FRMD6: variants seen among roughly 807,000 people sequenced by gnomAD.
FRMD6 encodes FERM domain containing 6, also known as FERM domain-containing protein 6.
In FRMD6, 37 loss-of-function variants were observed where a neutral mutation model predicts 73.2. The ratio of observed to expected loss-of-function variants is 0.51; its 90% CI spans 0.39 to 0.66. The LOEUF is 0.66. FRMD6 is among the 30% of genes least tolerant of loss of function. The pLI, the probability that FRMD6 is intolerant of heterozygous loss-of-function variation, is 0.00. For missense variants in FRMD6, 714 were observed against 780.5 expected, an observed-to-expected ratio of 0.91 and a Z score of 1.02; for synonymous variants, 273 against 282.2, an observed-to-expected ratio of 0.97 and a Z score of 0.33.
At chr14:51,461,084 A>G in the FRMD6 span, among the ~76,000 whole-genome samples, 1 of 152,232 alleles carries the variant, frequency 6.6e-6, no homozygotes, top group Non-Finnish European at 1.5e-5. Flanking sequence ...GCAGATTTTG[A>G]CTACAGACAT....
the FRMD6 span, among the ~76,000 whole-genome samples, chr14:51,409,020 A>T: frequency 1.3e-5 from 2 of 152,166 alleles, no homozygotes; most frequent in African/African-American, 4.8e-5. Context: ...TTGGCTAAGA[A>T]TACTCGACAG....
upstream of FRMD6, chr14:51,650,870 A>C (rs1892323695): frequency 6.6e-6 from 1 of 152,362 alleles, no homozygotes; most frequent in African/African-American, 2.4e-5. Flanking sequence ...TCATTGGGTC[A>C]GCAAAGTCAG....
the FRMD6 span, among the ~76,000 whole-genome samples, chr14:51,472,825 G>A: frequency 1.3e-5 from 2 of 152,158 alleles, no homozygotes; most frequent in Admixed American, 6.5e-5. Context: ...GAGGCGCCAG[G>A]AATCTTTGTT....
chr14:51,580,107 A>T (rs943709934), intron 2 of FRMD6, among the ~76,000 whole-genome samples: 1 of 151,274 alleles, frequency 6.6e-6, no homozygotes, highest in African/African-American at 2.4e-5. Context: ...TTTCTGAAGT[A>T]AAAGGGAAGT....
intron 1 of FRMD6, among the ~76,000 whole-genome samples, chr14:51,503,554 C>A (rs1883745375): frequency 6.6e-6 from 1 of 152,096 alleles, no homozygotes; most frequent in South Asian, 2.1e-4. Context: ...AACCTTGCAT[C>A]CCGGGGATGA....
intron 1 of FRMD6, among the ~76,000 whole-genome samples, chr14:51,553,636 C>A (rs1886957840): frequency 6.6e-6 from 1 of 152,112 alleles, no homozygotes; most frequent in Non-Finnish European, 1.5e-5. Flanking sequence ...ACTGAAACAC[C>A]TGCCTAGAGG....
intron 2 of FRMD6, among the ~76,000 whole-genome samples, chr14:51,612,202 ATTTTG>A (rs1818594437): frequency 6.6e-6 from 1 of 152,128 alleles, no homozygotes; most frequent in African/African-American, 2.4e-5. Flanking sequence ...ATCCATCCTT[ATTTTG>A]TATTAACAAC....
the FRMD6 span, among the ~76,000 whole-genome samples, chr14:51,446,230 G>T: frequency 6.6e-6 from 1 of 152,188 alleles, no homozygotes; most frequent in African/African-American, 2.4e-5. Context: ...TTGAGCTGGG[G>T]CAGTGGTAGA....
chr14:51,664,252 G>A (rs77092608), intron 1 of FRMD6, among the ~76,000 whole-genome samples: 5,190 of 152,272 alleles, frequency 0.034, 116 homozygotes, highest in Middle Eastern at 0.071. Context: ...AAATTGCCTC[G>A]TTAAAATTTT....
At chr14:51,604,609 A>T (rs1467945798) in intron 2 of FRMD6, among the ~76,000 whole-genome samples, 1 of 152,160 alleles carries the variant, frequency 6.6e-6, no homozygotes, top group Admixed American at 6.5e-5. Context: ...GCTTAAGAGA[A>T]TGGGAAGAGG....
At chr14:51,436,797 AAGG>A in the FRMD6 span, 1 of 542,564 alleles carries the variant, frequency 1.8e-6, no homozygotes, top group African/African-American at 1.9e-5. Flanking sequence ...GAAGAAGGAG[AAGG>A]AGAAGATGAT....
chr14:51,438,743 C>T, the FRMD6 span, among the ~76,000 whole-genome samples: 2 of 152,184 alleles, frequency 1.3e-5, no homozygotes, highest in African/African-American at 4.8e-5. Context: ...GATTTTTAAT[C>T]TCCAGGTGGC....
In FRMD6 at chr14:51,698,192, G is replaced by T. The variant is rs765958718; in HGVS notation, c.150G>T (p.Arg50Ser). ...QLLVQVCDLLRLKDCHLFGLS... is the reference protein window; with the variant it reads ...QLLVQVCDLLSLKDCHLFGLS... ...TGGTCCAGGTTTGTGACCTGCTCAG[G>T]CTAAAGGACTGCCACCTCTTTGGAC... The change falls in exon 3 of 14, where the codon AGG (arginine) becomes AGT (serine). Residue 50 changes from arginine (R) to serine (S), a missense_variant. By Grantham distance (110) the Arg-to-Ser change is moderately radical (BLOSUM62 -1). Transcript: ENST00000344768. The T allele has an allele frequency of 9.3e-6, 15 of 1,612,560 alleles. No individual in the cohort carries two copies. Among genetic ancestry groups the T allele is most frequent in the Non-Finnish European group, 1.2e-5 (14 of 1,178,976 alleles).
At chr14:51,711,984 C>G (rs1896968636) in intron 8 of FRMD6, among the ~76,000 whole-genome samples, 1 of 152,156 alleles carries the variant, frequency 6.6e-6, no homozygotes, top group Non-Finnish European at 1.5e-5. Context: ...TTGTGCCTGA[C>G]CAGACGTTTT....
In FRMD6 at chr14:51,559,412, G is replaced by A. The variant is rs560653886; in HGVS notation, c.-209-10936G>A. 7.0e-4 allele frequency among the ~76,000 whole-genome samples: 106 copies of A among 152,076 alleles called. 1 individual carries two copies. In the South Asian group the frequency reaches 0.02, roughly 28 times the overall value. On this transcript the variant is annotated intron_variant, in intron 1 of 14. Transcript: ENST00000356218. ...GTGCACGTTAACAAGCAGATTCTTT[G>A]GTCCTACCCTTGGTCAATCCAATCA...
intron 1 of FRMD6, among the ~76,000 whole-genome samples, chr14:51,553,772 A>G (rs767059103): frequency 9.2e-5 from 14 of 152,192 alleles, no homozygotes; most frequent in Non-Finnish European, 1.6e-4. Context: ...GGAGTTGCAG[A>G]TAATGAATAG....
chr14:51,638,097 AAC>A (rs1891653046), intron 2 of FRMD6: 1 of 152,270 alleles, frequency 6.6e-6, no homozygotes, highest in Non-Finnish European at 1.5e-5. Flanking sequence ...CAGCCTGGAC[AAC>A]ACAGTGAACC....
intron 1 of FRMD6, among the ~76,000 whole-genome samples, chr14:51,529,321 C>G (rs900127402): frequency 2.6e-5 from 4 of 152,196 alleles, no homozygotes; most frequent in African/African-American, 9.7e-5. Flanking sequence ...TAACAATAAT[C>G]ATGAAAATGC....
At chr14:51,481,199 C>T in the FRMD6 span, among the ~76,000 whole-genome samples, 43 of 152,102 alleles carry the variant, frequency 2.8e-4, no homozygotes, top group East Asian at 6.8e-3. Context: ...GGTATGTATT[C>T]GTCCGTTTTC....
Sources: gnomAD v4.1 joint callset for allele counts (sites outside exome capture counted in the v4.1 genomes callset) on GRCh38, gnomAD v4.1.1 for gene constraint, MANE v1.5 for transcripts, NCBI Gene and HGNC (gene_info 2026-07-23, HGNC 2026-07-21) for gene names.